TENM3: variants seen among roughly 807,000 people sequenced by gnomAD.
The protein encoded by TENM3 is teneurin-3.
A neutral mutation model predicts 255.1 loss-of-function variants in TENM3; 63 were observed. The ratio of observed to expected loss-of-function variants is 0.25; its 90% CI spans 0.20 to 0.30. The LOEUF is 0.30. Ranked by LOEUF, TENM3 falls within the 10% of genes least tolerant of loss-of-function variation. The pLI, the probability that TENM3 is intolerant of heterozygous loss-of-function variation, is 1.00. For synonymous variants in TENM3, 1,306 were observed against 1,322.3 expected (o/e 0.99, Z 0.27); for missense variants, 2,929 against 3,461.1 (o/e 0.85, Z 3.86).
At chr4:182,708,271 A>T (rs371792486) in intron 12 of TENM3, among the ~76,000 whole-genome samples, 6 of 152,254 alleles carry the variant, frequency 3.9e-5, no homozygotes, top group African/African-American at 1.4e-4. Flanking sequence ...GCTGGCGGCA[A>T]AGTGCTTCGT....
At chr4:182,714,303 G>C (rs368327122) in intron 13 of TENM3, 70 bp downstream of exon 13, 28 of 224,778 alleles carry the variant, frequency 1.2e-4, no homozygotes, top group South Asian at 1.8e-4. Context: ...TGAGTACATA[G>C]ATATCTGTTG....
the TENM3 span, among the ~76,000 whole-genome samples, chr4:181,748,769 A>G: frequency 6.6e-6 from 1 of 152,260 alleles, no homozygotes; most frequent in Non-Finnish European, 1.5e-5. Flanking sequence ...AAGCAATAAG[A>G]CATGACAGGG....
At chr4:182,072,857 T>C in the TENM3 span, among the ~76,000 whole-genome samples, 2 of 152,138 alleles carry the variant, frequency 1.3e-5, no homozygotes, top group Admixed American at 1.3e-4. Context: ...AAATTTGCAT[T>C]TTGAAGCCCT....
chr4:181,982,626 C>T, the TENM3 span, among the ~76,000 whole-genome samples: 7 of 152,182 alleles, frequency 4.6e-5, no homozygotes, highest in East Asian at 3.9e-4. Flanking sequence ...AGAGTTAATG[C>T]GGCTCCAAAA....
At chr4:182,016,252 A>G in the TENM3 span, among the ~76,000 whole-genome samples, 2 of 152,334 alleles carry the variant, frequency 1.3e-5, no homozygotes, top group East Asian at 1.9e-4. Context: ...TGTTGGTGCT[A>G]CCGTTGAGGT....
chr4:182,526,669 A>G (rs1230408220), intron 3 of TENM3, among the ~76,000 whole-genome samples: 2 of 152,228 alleles, frequency 1.3e-5, no homozygotes, highest in Non-Finnish European at 2.9e-5. Context: ...CAGAGAACAC[A>G]TTTGCTGAAT....
chr4:182,354,366 G>A (rs1175638165), intron 3 of TENM3, among the ~76,000 whole-genome samples: 4 of 152,178 alleles, frequency 2.6e-5, no homozygotes, highest in Non-Finnish European at 5.9e-5. Flanking sequence ...CACAGTGGTA[G>A]CAGTAAAATT....
the TENM3 span, among the ~76,000 whole-genome samples, chr4:181,999,524 A>G: frequency 6.6e-6 from 1 of 152,324 alleles, no homozygotes; most frequent in East Asian, 1.9e-4. Context: ...CAATGAGAAT[A>G]CAGTGCTTCC....
At chr4:181,512,652 G>T in the TENM3 span, among the ~76,000 whole-genome samples, 1 of 152,096 alleles carries the variant, frequency 6.6e-6, no homozygotes, top group African/African-American at 2.4e-5. Context: ...TTCCACCTGC[G>T]TTTGAAACCA....
chr4:181,917,176 A>G, the TENM3 span, among the ~76,000 whole-genome samples: 1 of 152,154 alleles, frequency 6.6e-6, no homozygotes, highest in African/African-American at 2.4e-5. Flanking sequence ...AGGTCCCAAC[A>G]TTCGTGGAGC....
At chr4:181,628,760 G>C in the TENM3 span, among the ~76,000 whole-genome samples, 1 of 152,162 alleles carries the variant, frequency 6.6e-6, no homozygotes, top group East Asian at 1.9e-4. Flanking sequence ...TTTGAAGTCA[G>C]GTAGCGTGAT....
chr4:182,232,115 A>G (rs545256066), intron 1 of TENM3, among the ~76,000 whole-genome samples: 1 of 152,226 alleles, frequency 6.6e-6, no homozygotes, highest in African/African-American at 2.4e-5. Context: ...TCTTTGGAAA[A>G]ATTAATTGTT....
the TENM3 span, among the ~76,000 whole-genome samples, chr4:181,615,541 A>C: frequency 3.9e-5 from 6 of 152,214 alleles, no homozygotes; most frequent in Non-Finnish European, 7.3e-5. Context: ...TTTAGAAGGC[A>C]AATGAATTAT....
At chr4:181,655,670 C>T in the TENM3 span, among the ~76,000 whole-genome samples, 15 of 152,108 alleles carry the variant, frequency 9.9e-5, no homozygotes, top group South Asian at 4.1e-4. Flanking sequence ...TTCCCAGGGG[C>T]GGTGTTATCC....
chr4:182,495,058 G>A (rs183308323), intron 3 of TENM3, among the ~76,000 whole-genome samples: 1 of 152,226 alleles, frequency 6.6e-6, no homozygotes, highest in Admixed American at 6.5e-5. Flanking sequence ...GGAAACCTGG[G>A]CAAGGCTGTG....
the TENM3 span, among the ~76,000 whole-genome samples, chr4:181,697,266 G>A: frequency 6.6e-6 from 1 of 152,150 alleles, no homozygotes; most frequent in South Asian, 2.1e-4. Flanking sequence ...AGGGGACACG[G>A]GTTCTTCCTG....
In TENM3 at chr4:182,370,758, A is replaced by G. The variant is rs570430537; in HGVS notation, c.511+23829A>G. 2.0e-5 allele frequency among the ~76,000 whole-genome samples: 3 copies of G among 152,328 alleles called. No individual in the cohort carries two copies. In the South Asian group the frequency reaches 6.2e-4, roughly 32 times the overall value. ...TCATTATTTCACTGTGAGAATATTC[A>G]TGCGATTATCTGCATGTTTCTAGAA... On this transcript the variant is annotated intron_variant, in intron 3 of 27. Coordinates refer to ENST00000511685, the MANE Select transcript of TENM3 (RefSeq NM_001080477.4).
chr4:182,186,069 A>G lies in TENM3; in HGVS notation c.-76+41315A>G, dbSNP rs183849526. On this transcript the variant is annotated intron_variant, in intron 1 of 2. Transcript: ENST00000512480. ...TATATATGGAAACTGAAATGGGAAA[A>G]TTACACAATTAATTAAAAGAAAAGA... 1.1e-3 allele frequency among the ~76,000 whole-genome samples: 162 copies of G among 152,316 alleles called. No homozygotes were observed. The Middle Eastern group carries it at 0.017, about 16-fold the overall frequency.
At chr4:181,812,617 C>T in the TENM3 span, among the ~76,000 whole-genome samples, 3 of 152,146 alleles carry the variant, frequency 2.0e-5, no homozygotes, top group African/African-American at 4.8e-5. Flanking sequence ...GCCTTTCCTA[C>T]GTCCAGTAAA....
Sources: allele counts gnomAD v4.1 joint callset (sites outside exome capture counted in the v4.1 genomes callset), GRCh38; gene constraint gnomAD v4.1.1; transcripts MANE v1.5; gene names NCBI Gene and HGNC (gene_info 2026-07-23, HGNC 2026-07-21).